Variants in PDZD2 observed in about 807,000 individuals in gnomAD.
The protein encoded by PDZD2 is PDZ domain-containing protein 2.
PDZD2 carries 90 observed loss-of-function variants against 220.7 expected under a neutral mutation model. That is an observed-to-expected ratio of 0.41 (90% CI 0.34 to 0.49). The LOEUF (loss-of-function observed/expected upper bound fraction) is 0.49. Ranked by LOEUF, PDZD2 falls within the 20% of genes least tolerant of loss-of-function variation. PDZD2 has a pLI of 0.28. For synonymous variants in PDZD2, 1,375 were observed against 1,450.5 expected, an observed-to-expected ratio of 0.95 and a Z score of 1.18; for missense variants, 3,174 against 3,608.5, an observed-to-expected ratio of 0.88 and a Z score of 3.08.
At chr5:31,838,109 G>A (rs952569897) in intron 2 of PDZD2, among the ~76,000 whole-genome samples, 1 of 152,248 alleles carries the variant, frequency 6.6e-6, no homozygotes, top group African/African-American at 2.4e-5. Flanking sequence ...CACTGTTGGA[G>A]TGCAGTGGCA....
chr5:31,667,981 C>G (rs1746068701), intron 1 of PDZD2, among the ~76,000 whole-genome samples: 1 of 150,796 alleles, frequency 6.6e-6, no homozygotes, highest in African/African-American at 2.4e-5. Context: ...CCTGCCTCAG[C>G]CTCCCAAGTA....
intron 1 of PDZD2, among the ~76,000 whole-genome samples, chr5:31,750,021 T>C (rs1394454271): frequency 6.6e-6 from 1 of 152,200 alleles, no homozygotes; most frequent in Non-Finnish European, 1.5e-5. Context: ...GAATCAGGAT[T>C]TCTGGAGATG....
At chr5:31,754,026 G>A (rs1751166487) in intron 1 of PDZD2, among the ~76,000 whole-genome samples, 1 of 152,186 alleles carries the variant, frequency 6.6e-6, no homozygotes, top group Admixed American at 6.5e-5. Context: ...TGGCATAAAT[G>A]CTTCTCTAGT....
At chr5:32,099,563 G>A (rs1020129622) in intron 23 of PDZD2, 1 of 152,222 alleles carries the variant, frequency 6.6e-6, no homozygotes, top group African/African-American at 2.4e-5. Flanking sequence ...AGAGGGCTGA[G>A]GCCCTCCTCA....
At chr5:31,710,525 A>T (rs1748038274) in intron 1 of PDZD2, among the ~76,000 whole-genome samples, 1 of 152,118 alleles carries the variant, frequency 6.6e-6, no homozygotes, top group African/African-American at 2.4e-5. Context: ...ATCTATAAGG[A>T]ATAGAGATAT....
rs1413052390 is a variant in PDZD2 at position 32,098,386 on chromosome 5, G to A, written c.7970G>A (p.Gly2657Glu). Residue 2657 changes from glycine (G) to glutamate (E), a missense_variant, in exon 23 of 25, where the codon GGG (glycine) becomes GAG (glutamate). Physicochemically the swap from Gly to Glu is moderately conservative, Grantham distance 98. Transcript: ENST00000438447. This position sits in a 1 kb window ranked among gnomAD's most constrained non-coding sequence, Gnocchi z 4.1. ...CAGGTCCACAGGGTGTTTTCTCAGG[G>A]GGCGGCTTCTCAGGAAGGGACTATG... ...SITVHRVFSQ[G>E]AASQEGTMNR... The A allele has an allele frequency of 1.2e-6, 2 of 1,614,072 alleles. No individual in the cohort carries two copies. The highest frequency in any genetic ancestry group is 1.1e-5 in the South Asian group (1 of 91,054).
At chr5:32,032,092 T>G (rs899985001) in intron 6 of PDZD2, among the ~76,000 whole-genome samples, 1 of 152,238 alleles carries the variant, frequency 6.6e-6, no homozygotes, top group Non-Finnish European at 1.5e-5. Context: ...GGTGGGCTAC[T>G]CAGGTACAGC....
At chr5:31,995,468 CTG>C in intron 3 of PDZD2, 106 bp from the exon 4 acceptor site, 1 of 1,128,224 alleles carries the variant, frequency 8.9e-7, no homozygotes, top group Non-Finnish European at 1.3e-6. Context: ...TCTGTGATAT[CTG>C]TGGACAAGTG....
intron 1 of PDZD2, among the ~76,000 whole-genome samples, chr5:31,740,284 G>T (rs926750170): frequency 2.6e-5 from 4 of 151,878 alleles, no homozygotes; most frequent in African/African-American, 9.7e-5. Flanking sequence ...ACTTTGGGAG[G>T]CCGAGGCGGG....
At chr5:32,071,577 A>G (rs549804363) in intron 16 of PDZD2, among the ~76,000 whole-genome samples, 159 bp downstream of exon 16, 62 of 152,364 alleles carry the variant, frequency 4.1e-4, no homozygotes, top group African/African-American at 1.5e-3. Flanking sequence ...TTGAGAATAG[A>G]TGCAAAAATG....
At chr5:31,922,612 A>G (rs59740747) in intron 2 of PDZD2, among the ~76,000 whole-genome samples, 14,296 of 152,188 alleles carry the variant, frequency 0.094, 1,118 homozygotes, top group African/African-American at 0.21. Flanking sequence ...TTGATTAGCC[A>G]CGGTAACTAC....
chr5:31,878,554 G>GTTTTTTTT (rs1411853055), intron 2 of PDZD2, among the ~76,000 whole-genome samples: 1 of 39,262 alleles, frequency 2.5e-5, no homozygotes, highest in African/African-American at 7.4e-5. Flanking sequence ...GATGACCTCG[G>GTTTTTTTT]CTTTTTTTTT....
chr5:31,681,972 G>A (rs1184831367), intron 1 of PDZD2, among the ~76,000 whole-genome samples: 3 of 152,164 alleles, frequency 2.0e-5, no homozygotes, highest in Non-Finnish European at 4.4e-5. Context: ...TACCAGAAGC[G>A]GAAAATGCAT....
chr5:31,822,010 C>T (rs992539232), intron 2 of PDZD2, among the ~76,000 whole-genome samples: 1 of 152,150 alleles, frequency 6.6e-6, no homozygotes, highest in African/African-American at 2.4e-5. Flanking sequence ...CATGTCCCTG[C>T]AAAGGACATG....
chr5:31,866,633 T>A (rs1738257485), intron 2 of PDZD2, among the ~76,000 whole-genome samples: 1 of 152,192 alleles, frequency 6.6e-6, no homozygotes, highest in East Asian at 1.9e-4. Context: ...CTGCTGACCC[T>A]GCCAGCTGAC....
chr5:31,697,755 A>C (rs1390240253), intron 1 of PDZD2, among the ~76,000 whole-genome samples: 1 of 152,158 alleles, frequency 6.6e-6, no homozygotes, highest in Non-Finnish European at 1.5e-5. Flanking sequence ...TACTGTGCTC[A>C]GTAATACAAC....
At chr5:31,870,018 G>T (rs554113740) in intron 2 of PDZD2, among the ~76,000 whole-genome samples, 1 of 152,162 alleles carries the variant, frequency 6.6e-6, no homozygotes, top group Non-Finnish European at 1.5e-5. Flanking sequence ...AGAAAGGGAA[G>T]ACAGAAAGCC....
chr5:31,883,106 A>T (rs1740084722), intron 2 of PDZD2, among the ~76,000 whole-genome samples: 1 of 149,482 alleles, frequency 6.7e-6, no homozygotes. Context: ...CAGGGAGCTT[A>T]TATTGTGATG....
At chr5:31,891,546 C>T (rs998790993) in intron 2 of PDZD2, among the ~76,000 whole-genome samples, 64 of 151,770 alleles carry the variant, frequency 4.2e-4, no homozygotes, top group African/African-American at 1.4e-3. Context: ...AACTCCTGAT[C>T]TCAGGTGATC....
Sources: gnomAD v4.1 joint callset for allele counts (sites outside exome capture counted in the v4.1 genomes callset) on GRCh38, gnomAD v4.1.1 for gene constraint, Gnocchi (gnomAD v3.1) non-coding constraint, MANE v1.5 for transcripts, NCBI Gene and HGNC (gene_info 2026-07-23, HGNC 2026-07-21) for gene names.